RNGTT: variants seen among roughly 807,000 people sequenced by gnomAD.
RNGTT encodes RNA guanylyltransferase and 5'-phosphatase.
Under a neutral mutation model 79.3 loss-of-function variants are expected in RNGTT, and 33 were observed. The ratio of observed to expected loss-of-function variants is 0.42; its 90% confidence interval spans 0.32 to 0.56. The LOEUF is 0.56. Ranked by LOEUF, RNGTT falls within the 20% of genes least tolerant of loss-of-function variation. RNGTT has a pLI of 0.17. For synonymous variants in RNGTT, 222 were observed against 235.9 expected, an observed-to-expected ratio of 0.94 and a Z score of 0.54; for missense variants, 497 against 739.1, an observed-to-expected ratio of 0.67 and a Z score of 3.80.
In RNGTT at chr6:88,904,383, G is replaced by C. The variant is rs192773675; in HGVS notation, c.684+332C>G. ...GAGCTCAGGAGTTCAAATCCAGACTGGTCAACAAAGTGAGAACCTTCTCTA... is the reference window on the plus strand; with the variant it reads ...GAGCTCAGGAGTTCAAATCCAGACTCGTCAACAAAGTGAGAACCTTCTCTA... On this transcript the variant is annotated intron_variant, in intron 6 of 15. Coordinates refer to ENST00000369485, the MANE Select transcript of RNGTT (RefSeq NM_003800.5). 1.6e-3 allele frequency among the ~76,000 whole-genome samples: 249 copies of C among 152,112 alleles called. 2 individuals are homozygous for C. In the Middle Eastern group the frequency reaches 0.02, roughly 12 times the overall value.
Position 88,683,038 on chromosome 6 carries a change from G to A in RNGTT, c.1440-4619C>T, listed in dbSNP as rs12665515. 9.2e-3 allele frequency among the ~76,000 whole-genome samples: 1,407 copies of A among 152,114 alleles called. 51 individuals are homozygous for A. In the East Asian group the frequency reaches 0.12, roughly 13 times the overall value. On this transcript the variant is annotated intron_variant, in intron 13 of 15. Coordinates refer to ENST00000369485, the MANE Select transcript of RNGTT (RefSeq NM_003800.5). ...AATATATATATGAAAAAGAAGAAAT[G>A]CTTTATAGAAATTGATGAGTTAAGT...
chr6:88,883,556 TTTATGCATTAA>T (rs1292783406), intron 8 of RNGTT, among the ~76,000 whole-genome samples: 2 of 152,178 alleles, frequency 1.3e-5, no homozygotes, highest in African/African-American at 4.8e-5. Flanking sequence ...TCAAAATGAA[TTTATGCATTAA>T]TTCTTCACAG....
chr6:88,716,795 C>T (rs1056999024), intron 13 of RNGTT, among the ~76,000 whole-genome samples: 18 of 152,042 alleles, frequency 1.2e-4, no homozygotes, highest in South Asian at 2.1e-4. Flanking sequence ...GGAAGGGGAA[C>T]ATCACACACC....
At chr6:88,766,687 C>T (rs1778473850) in intron 13 of RNGTT, among the ~76,000 whole-genome samples, 1 of 152,022 alleles carries the variant, frequency 6.6e-6, no homozygotes, top group Admixed American at 6.6e-5. Context: ...ACTATTAGCA[C>T]CTCATTAAAG....
intron 14 of RNGTT, among the ~76,000 whole-genome samples, chr6:88,649,227 T>C (rs911769919): frequency 6.6e-6 from 1 of 152,176 alleles, no homozygotes; most frequent in African/African-American, 2.4e-5. Context: ...AAGAAAATAG[T>C]ATGTATAGTC....
At chr6:88,827,297 T>TGAG (rs1172796334) in intron 11 of RNGTT, among the ~76,000 whole-genome samples, 13 of 152,194 alleles carry the variant, frequency 8.5e-5, no homozygotes, top group Non-Finnish European at 1.6e-4. Context: ...GTTTGGGCAC[T>TGAG]CTCTCCCCTA....
intron 13 of RNGTT, among the ~76,000 whole-genome samples, chr6:88,686,796 G>C (rs1775295005): frequency 6.6e-6 from 1 of 152,074 alleles, no homozygotes; most frequent in South Asian, 2.1e-4. Context: ...TTTATCAAGA[G>C]ATAGACTAAG....
chr6:88,634,044 G>A lies in RNGTT; in HGVS notation c.1507-19649C>T, dbSNP rs561351230. ...TGAAAGATAATGACTCATCCATCCA[G>A]CACTTATCAATATTGTTTATGATAG... On this transcript the variant is annotated intron_variant, in intron 14 of 15. Coordinates refer to ENST00000369485, the MANE Select transcript of RNGTT (RefSeq NM_003800.5). Among the ~76,000 whole-genome samples the A allele has an allele frequency of 1.8e-4, 27 of 152,072 alleles. No individual in the cohort carries two copies. In the South Asian group the frequency reaches 5.6e-3, roughly 32 times the overall value.
intron 2 of RNGTT, among the ~76,000 whole-genome samples, chr6:88,932,366 T>A (rs1784538289): frequency 6.6e-6 from 1 of 152,186 alleles, no homozygotes; most frequent in Non-Finnish European, 1.5e-5. Flanking sequence ...GTAATTCTAG[T>A]TTCGCCCTGA....
intron 8 of RNGTT, among the ~76,000 whole-genome samples, chr6:88,879,868 G>A (rs1281056052): frequency 6.6e-6 from 1 of 152,120 alleles, no homozygotes; most frequent in African/African-American, 2.4e-5. Context: ...TGATCCAAAA[G>A]CCAAATGTGA....
intron 8 of RNGTT, among the ~76,000 whole-genome samples, chr6:88,869,761 T>C (rs1314015379): frequency 1.3e-5 from 2 of 152,098 alleles, no homozygotes; most frequent in Admixed American, 6.6e-5. Flanking sequence ...AATAAATATA[T>C]TATGGACTCA....
chr6:88,941,942 T>G (rs1474007652), intron 1 of RNGTT, among the ~76,000 whole-genome samples: 2 of 152,140 alleles, frequency 1.3e-5, no homozygotes, highest in Non-Finnish European at 2.9e-5. Context: ...TGCCTAAGCC[T>G]CCCAAGTAGC....
rs56124919 is a variant in RNGTT at position 88,801,822 on chromosome 6, GACACACAC to G, written c.1270-198_1270-191del. 9.0e-3 allele frequency among the ~76,000 whole-genome samples: 1,114 copies of G among 123,242 alleles called. 12 individuals carry two copies. The highest frequency in any genetic ancestry group is 0.027 in the African/African-American group (981 of 35,968). 80.9% of individuals were successfully genotyped at this position (123,242 alleles called of 152,430 possible). A position where few individuals can be genotyped will look rare whatever the true frequency, so the allele number is the denominator to read the frequency against. Reference sequence around the variant, plus strand: ...CGTAAGATTTGAATACACACACACAGACACACACACACACACACACACACACACACACA... The same window carrying G: ...CGTAAGATTTGAATACACACACACAGACACACACACACACACACACACACA... On this transcript the variant is annotated intron_variant, in intron 11 of 15. Coordinates refer to ENST00000369485, the MANE Select transcript of RNGTT (RefSeq NM_003800.5).
At chr6:88,883,985 T>C (rs1413124316) in intron 8 of RNGTT, among the ~76,000 whole-genome samples, 1 of 152,088 alleles carries the variant, frequency 6.6e-6, no homozygotes, top group Non-Finnish European at 1.5e-5. Context: ...GGTGAAAAAA[T>C]TTGCCAACAC....
At chr6:88,801,483 T>C in intron 12 of RNGTT, 81 bp downstream of exon 12, 2 of 1,032,418 alleles carry the variant, frequency 1.9e-6, no homozygotes, top group Non-Finnish European at 1.5e-6. Flanking sequence ...CATACATGTG[T>C]ATGTGTATGT....
chr6:88,841,295 T>C (rs1309172485), intron 11 of RNGTT, among the ~76,000 whole-genome samples: 1 of 152,046 alleles, frequency 6.6e-6, no homozygotes, highest in Non-Finnish European at 1.5e-5. Context: ...CACAAAATCA[T>C]AATAAAAGTA....
chr6:88,827,188 C>T (rs1780696453), intron 11 of RNGTT, among the ~76,000 whole-genome samples: 1 of 152,006 alleles, frequency 6.6e-6, no homozygotes, highest in Non-Finnish European at 1.5e-5. Flanking sequence ...AACTGAAGTA[C>T]CTGGCTCATC....
At chr6:88,740,428 A>G (rs1777447379) in intron 13 of RNGTT, among the ~76,000 whole-genome samples, 3 of 152,066 alleles carry the variant, frequency 2.0e-5, no homozygotes. Flanking sequence ...TGAGGTAAAG[A>G]GGATCACTTG....
chr6:88,678,725 A>G (rs1378309674), intron 13 of RNGTT, among the ~76,000 whole-genome samples: 7 of 152,124 alleles, frequency 4.6e-5, no homozygotes, highest in Non-Finnish European at 8.8e-5. Flanking sequence ...CCAAGGTTGT[A>G]GTGTGCTATG....
Sources: gnomAD v4.1 joint callset for allele counts (sites outside exome capture counted in the v4.1 genomes callset) on GRCh38, gnomAD v4.1.1 for gene constraint, MANE v1.5 for transcripts, NCBI Gene and HGNC (gene_info 2026-07-23, HGNC 2026-07-21) for gene names.